EPHA6: variants seen among roughly 807,000 people sequenced by gnomAD.
EPHA6 encodes EPH receptor A6.
A neutral mutation model predicts 112.0 loss-of-function variants in EPHA6; 50 were observed. The ratio of observed to expected loss-of-function variants is 0.45; its 90% confidence interval spans 0.36 to 0.56. The LOEUF (loss-of-function observed/expected upper bound fraction) is 0.56. EPHA6 is among the 20% of genes least tolerant of loss of function. EPHA6 has a pLI of 0.00. For synonymous variants in EPHA6, 529 were observed against 490.7 expected (o/e 1.08, Z -1.03); for missense variants, 1,280 against 1,417.4 (o/e 0.90, Z 1.56).
chr3:97,665,210 A>C (rs1482124255), intron 14 of EPHA6, among the ~76,000 whole-genome samples: 7 of 152,200 alleles, frequency 4.6e-5, no homozygotes, highest in Non-Finnish European at 1.0e-4. Context: ...CAAAAACAAG[A>C]AATGGGGAAA....
chr3:97,632,601 C>T (rs1297295416), intron 13 of EPHA6, among the ~76,000 whole-genome samples: 1 of 151,776 alleles, frequency 6.6e-6, no homozygotes, highest in East Asian at 1.9e-4. Flanking sequence ...GCAAGGGCCT[C>T]CTGGAAGAGA....
rs544287055 is a variant in EPHA6, at chr3:97,155,384, C to G, written c.1115-70880C>G. ...CATTGAAAAAGAGTACAGTTATGCT[C>G]TTCCCAAATACCTGAATGTTTGTCA... On this transcript the variant is annotated intron_variant, in intron 3 of 17. Coordinates refer to ENST00000389672, the MANE Select transcript of EPHA6 (RefSeq NM_001080448.3). Among the ~76,000 whole-genome samples the G allele has an allele frequency of 5.9e-5, 9 of 152,234 alleles. No individual in the cohort carries two copies. In the South Asian group the frequency reaches 1.9e-3, roughly 32 times the overall value.
At chr3:97,580,980 T>A (rs1039676733) in intron 11 of EPHA6, among the ~76,000 whole-genome samples, 6 of 152,104 alleles carry the variant, frequency 3.9e-5, no homozygotes, top group African/African-American at 1.4e-4. Flanking sequence ...TACAGGAGAG[T>A]TAGGCCTGCA....
At position 97,163,070 on chromosome 3, in the gene EPHA6, C is replaced by T. The variant is rs547018924; in HGVS notation, c.1115-63194C>T. Among the ~76,000 whole-genome samples the T allele has an allele frequency of 5.9e-5, 9 of 152,118 alleles. No individual in the cohort carries two copies. In the South Asian group the frequency reaches 1.9e-3, roughly 32 times the overall value. On this transcript the variant is annotated intron_variant, in intron 3 of 17. Transcript: ENST00000389672. The stretch of plus-strand genomic sequence containing the variant: ...GTAGCCACAGTTTCCACTGTAAGGT[C>T]TGGCTTACAGATAAGTGAAATCACT...
chr3:97,290,272 C>T (rs2080629438), intron 5 of EPHA6, among the ~76,000 whole-genome samples: 1 of 152,036 alleles, frequency 6.6e-6, no homozygotes, highest in Admixed American at 6.5e-5. Flanking sequence ...TTTGAGAGAT[C>T]TACTTGGTAT....
intron 3 of EPHA6, among the ~76,000 whole-genome samples, chr3:97,056,029 C>T (rs765278454): frequency 6.6e-6 from 1 of 150,858 alleles, no homozygotes; most frequent in Non-Finnish European, 1.5e-5. Context: ...ATTATTAAAA[C>T]TTTCTTCTGC....
chr3:97,408,714 T>G (rs2087521976), intron 6 of EPHA6, among the ~76,000 whole-genome samples: 1 of 151,950 alleles, frequency 6.6e-6, no homozygotes, highest in African/African-American at 2.4e-5. Context: ...CTCTGGGGTC[T>G]CTTTCATAAG....
chr3:97,048,716 T>A (rs2045590620), intron 3 of EPHA6, among the ~76,000 whole-genome samples: 1 of 152,086 alleles, frequency 6.6e-6, no homozygotes, highest in South Asian at 2.1e-4. Flanking sequence ...TGGCAAGTAA[T>A]GGAGATAAAA....
At chr3:97,320,713 T>G (rs1333227198) in intron 5 of EPHA6, among the ~76,000 whole-genome samples, 1 of 151,114 alleles carries the variant, frequency 6.6e-6, no homozygotes, top group Non-Finnish European at 1.5e-5. Context: ...GAAATGACAC[T>G]CCTTTGGACC....
chr3:96,939,042 A>C (rs1398808494), intron 2 of EPHA6, among the ~76,000 whole-genome samples: 1 of 152,174 alleles, frequency 6.6e-6, no homozygotes, highest in Non-Finnish European at 1.5e-5. Flanking sequence ...ATCAATGTTC[A>C]TCAAGGATAT....
intron 7 of EPHA6, among the ~76,000 whole-genome samples, chr3:97,454,765 C>G: frequency 6.6e-6 from 1 of 151,868 alleles, no homozygotes; most frequent in East Asian, 1.9e-4. Flanking sequence ...ATCTGTACTG[C>G]TTCAATTACT....
intron 1 of EPHA6, among the ~76,000 whole-genome samples, chr3:96,858,654 CT>C (rs1282038787): frequency 2.6e-5 from 4 of 152,032 alleles, no homozygotes; most frequent in Non-Finnish European, 5.9e-5. Flanking sequence ...TATTTGTATG[CT>C]ATTTCAGTTA....
intron 1 of EPHA6, among the ~76,000 whole-genome samples, chr3:96,843,898 C>A (rs900910942): frequency 6.6e-6 from 1 of 151,796 alleles, no homozygotes; most frequent in Non-Finnish European, 1.5e-5. Context: ...TTGAAAAAAA[C>A]CCAATATTAC....
intron 11 of EPHA6, chr3:97,560,360 G>T (rs1386307491): frequency 6.6e-6 from 1 of 151,944 alleles, no homozygotes; most frequent in Admixed American, 6.6e-5. Flanking sequence ...CAGATAGTGT[G>T]ATTGTGAAAC....
chr3:97,017,984 T>A, intron 3 of EPHA6, among the ~76,000 whole-genome samples: 1 of 127,526 alleles, frequency 7.8e-6, no homozygotes. Flanking sequence ...TTTCTTATTC[T>A]TTTTTTTTTT....
chr3:97,114,290 A>C (rs2047816506), intron 3 of EPHA6, among the ~76,000 whole-genome samples: 1 of 152,192 alleles, frequency 6.6e-6, no homozygotes, highest in Non-Finnish European at 1.5e-5. Flanking sequence ...ATAGAAATTT[A>C]GTAACAACAA....
intron 3 of EPHA6, among the ~76,000 whole-genome samples, chr3:97,130,117 T>C (rs1337539105): frequency 6.6e-6 from 1 of 152,114 alleles, no homozygotes; most frequent in Non-Finnish European, 1.5e-5. Flanking sequence ...GTTGATAAAA[T>C]TATTTCTCTT....
chr3:96,961,970 A>T (rs2041960906), intron 2 of EPHA6, among the ~76,000 whole-genome samples: 1 of 152,190 alleles, frequency 6.6e-6, no homozygotes, highest in African/African-American at 2.4e-5. Flanking sequence ...AAGCTACTTA[A>T]CACCATTGAT....
chr3:97,002,135 CT>C (rs2043690668), intron 3 of EPHA6, among the ~76,000 whole-genome samples: 1 of 151,578 alleles, frequency 6.6e-6, no homozygotes, highest in African/African-American at 2.4e-5. Context: ...AGCCTATATT[CT>C]TTATGTTTAC....
Sources: allele counts gnomAD v4.1 joint callset (sites outside exome capture counted in the v4.1 genomes callset), GRCh38; gene constraint gnomAD v4.1.1; transcripts MANE v1.5; gene names NCBI Gene and HGNC (gene_info 2026-07-23, HGNC 2026-07-21).